The following CADM2 variants were observed in gnomAD, a reference collection of about 807,000 sequenced individuals.
CADM2 encodes immunoglobulin superfamily member 4D.
Under a neutral mutation model 49.8 loss-of-function variants are expected in CADM2, and 12 were observed. The ratio of observed to expected loss-of-function variants is 0.24; its 90% CI spans 0.15 to 0.39. The LOEUF is 0.39. Ranked by LOEUF, CADM2 falls within the 10% of genes least tolerant of loss-of-function variation. The pLI, the probability that CADM2 is intolerant of heterozygous loss-of-function variation, is 1.00. For synonymous variants in CADM2, 214 were observed against 175.4 expected (o/e 1.22, Z -1.74); for missense variants, 378 against 492.3 (o/e 0.77, Z 2.20).
chr3:85,125,613 GCCT>G (rs1219600613), intron 1 of CADM2, among the ~76,000 whole-genome samples: 2 of 152,214 alleles, frequency 1.3e-5, no homozygotes, highest in East Asian at 3.9e-4. Flanking sequence ...ACCTGCCCTG[GCCT>G]CCTCCCAAAG....
chr3:85,093,244 A>T (rs1243575957), intron 1 of CADM2, among the ~76,000 whole-genome samples: 1 of 152,032 alleles, frequency 6.6e-6, no homozygotes, highest in Non-Finnish European at 1.5e-5. Flanking sequence ...TCCTTGGCCA[A>T]GTGTGGTGGC....
intron 8 of CADM2, among the ~76,000 whole-genome samples, chr3:86,055,468 T>G (rs953342008): frequency 1.5e-5 from 2 of 130,014 alleles, no homozygotes; most frequent in African/African-American, 3.0e-5. Context: ...TTTTTTTTTT[T>G]TTTTTTTTTT....
intron 1 of CADM2, among the ~76,000 whole-genome samples, chr3:85,660,390 G>A (rs2065362621): frequency 6.6e-6 from 1 of 151,292 alleles, no homozygotes; most frequent in African/African-American, 2.4e-5. Flanking sequence ...TTCTCTTTAA[G>A]AACTTGCCAT....
chr3:85,090,761 A>C (rs1267873587), intron 1 of CADM2, among the ~76,000 whole-genome samples: 1 of 152,142 alleles, frequency 6.6e-6, no homozygotes, highest in Non-Finnish European at 1.5e-5. Flanking sequence ...ATTCTCATAG[A>C]AGTGCAAACC....
At chr3:86,045,051 C>G (rs1488493780) in intron 8 of CADM2, among the ~76,000 whole-genome samples, 35 of 115,996 alleles carry the variant, frequency 3.0e-4, no homozygotes, top group African/African-American at 1.1e-3. Flanking sequence ...ACACACGGGC[C>G]TGTCGTGGGG....
At chr3:85,136,976 G>C (rs897657980) in intron 1 of CADM2, among the ~76,000 whole-genome samples, 1 of 151,838 alleles carries the variant, frequency 6.6e-6, no homozygotes, top group Non-Finnish European at 1.5e-5. Context: ...TTCACACAAC[G>C]AAGTACCAAG....
intron 1 of CADM2, among the ~76,000 whole-genome samples, chr3:85,121,390 C>T (rs2038857820): frequency 6.6e-6 from 1 of 152,082 alleles, no homozygotes; most frequent in Admixed American, 6.5e-5. Context: ...TTACATATTC[C>T]TGTATGTCTC....
At chr3:85,801,839 G>C (rs2072062571) in intron 2 of CADM2, among the ~76,000 whole-genome samples, 2 of 152,156 alleles carry the variant, frequency 1.3e-5, no homozygotes, top group Admixed American at 1.3e-4. Flanking sequence ...AACATGTAGG[G>C]AGTACAAAGG....
intron 1 of CADM2, among the ~76,000 whole-genome samples, chr3:85,121,900 A>G (rs778718753): frequency 2.0e-5 from 3 of 152,110 alleles, no homozygotes; most frequent in Non-Finnish European, 4.4e-5. Flanking sequence ...TCTCTCACAT[A>G]TATTGACATT....
At chr3:85,856,831 GC>G (rs35785067) in intron 3 of CADM2, among the ~76,000 whole-genome samples, 33,394 of 151,992 alleles carry the variant, frequency 0.22, 3,796 homozygotes, top group Admixed American at 0.24. Context: ...AAGAGTCACT[GC>G]TTAGGAAATT....
At chr3:85,976,449 C>T (rs1157406663) in intron 8 of CADM2, among the ~76,000 whole-genome samples, 4 of 151,504 alleles carry the variant, frequency 2.6e-5, no homozygotes, top group Non-Finnish European at 5.9e-5. Flanking sequence ...TTAGTTGCTT[C>T]CCATTAATAT....
intron 1 of CADM2, among the ~76,000 whole-genome samples, chr3:85,475,972 A>G (rs1228344532): frequency 6.6e-6 from 1 of 151,940 alleles, no homozygotes; most frequent in African/African-American, 2.4e-5. Flanking sequence ...AAAAAGAAAT[A>G]AAAACATTGC....
At chr3:85,299,942 C>A (rs1267264860) in intron 1 of CADM2, among the ~76,000 whole-genome samples, 1 of 151,844 alleles carries the variant, frequency 6.6e-6, no homozygotes, top group Admixed American at 6.6e-5. Flanking sequence ...CAAAGTACGA[C>A]AAAGATTTCA....
chr3:85,343,181 G>A (rs1049876961), intron 1 of CADM2, among the ~76,000 whole-genome samples: 4 of 152,146 alleles, frequency 2.6e-5, no homozygotes, highest in Admixed American at 1.3e-4. Context: ...AGCCTCCCAC[G>A]AGAATTACTT....
At chr3:85,611,904 G>A (rs2063692258) in intron 1 of CADM2, among the ~76,000 whole-genome samples, 1 of 151,684 alleles carries the variant, frequency 6.6e-6, no homozygotes, top group Non-Finnish European at 1.5e-5. Context: ...TGGAGGCAAA[G>A]GTTAAGAGTA....
At chr3:85,240,621 C>T (rs72915100) in intron 1 of CADM2, among the ~76,000 whole-genome samples, 10,313 of 151,320 alleles carry the variant, frequency 0.068, 1,145 homozygotes, top group African/African-American at 0.23. Flanking sequence ...CAAGGTATCA[C>T]GTTATTTCCT....
At chr3:85,458,061 A>G (rs555571470) in intron 1 of CADM2, among the ~76,000 whole-genome samples, 3 of 152,300 alleles carry the variant, frequency 2.0e-5, no homozygotes, top group South Asian at 2.1e-4. Context: ...CATGGTCTAC[A>G]TCAACTATTC....
intron 1 of CADM2, among the ~76,000 whole-genome samples, chr3:85,316,962 CAA>C (rs2107080751): frequency 6.6e-6 from 1 of 152,164 alleles, no homozygotes; most frequent in Non-Finnish European, 1.5e-5. Context: ...GTTGGGGTTT[CAA>C]AGTCCATACA....
At chr3:85,018,990 A>G (rs576186845) in intron 1 of CADM2, among the ~76,000 whole-genome samples, 1 of 152,340 alleles carries the variant, frequency 6.6e-6, no homozygotes, top group Non-Finnish European at 1.5e-5. Context: ...GGGAAGGTAC[A>G]TAACATAGTC....
Sources: gnomAD v4.1 joint callset for allele counts (sites outside exome capture counted in the v4.1 genomes callset) on GRCh38, gnomAD v4.1.1 for gene constraint, MANE v1.5 for transcripts, NCBI Gene and HGNC (gene_info 2026-07-23, HGNC 2026-07-21) for gene names.